INPP4B: variants seen among roughly 807,000 people sequenced by gnomAD.
INPP4B encodes the protein inositol polyphosphate-4-phosphatase type II B, also known as inositol polyphosphate 4-phosphatase type II.
INPP4B carries 55 observed loss-of-function variants against 122.5 expected under a neutral mutation model. The observed-to-expected ratio is 0.45, with a 90% CI of 0.36 to 0.56. The LOEUF (loss-of-function observed/expected upper bound fraction) is 0.56, where lower values mean the gene tolerates loss of function less well. Among genes scored for constraint, INPP4B ranks in the 20% least tolerant of loss-of-function variants. The probability of loss-of-function intolerance (pLI) is 0.00; values close to 1 mark genes in which losing one functional copy is unlikely to be tolerated. For synonymous variants in INPP4B, 403 were observed against 388.7 expected (o/e 1.04, Z -0.43); for missense variants, 1,000 against 1,097.7 (o/e 0.91, Z 1.26).
intron 2 of INPP4B, among the ~76,000 whole-genome samples, chr4:142,516,425 A>T (rs1825415694): frequency 6.6e-6 from 1 of 152,160 alleles, no homozygotes; most frequent in African/African-American, 2.4e-5. Flanking sequence ...AGGTTCATTT[A>T]TTCATTACTC....
Position 142,023,364 on chromosome 4 carries a change from C to G in INPP4B, c.*5418G>C, listed in dbSNP as rs1311200279. ...ACATAAAAAGAAAACAAATGCCAACCTTTCAGATGAGTACCACAAAAACCT... is the reference window on the plus strand; with the variant it reads ...ACATAAAAAGAAAACAAATGCCAACGTTTCAGATGAGTACCACAAAAACCT... On this transcript the variant is annotated 3_prime_UTR_variant, in exon 26 of 26. Transcript: ENST00000262992. The G allele has an allele frequency of 6.6e-6, 1 of 151,794 alleles. No homozygotes were observed. Among genetic ancestry groups the G allele is most frequent in the African/African-American group, 2.4e-5 (1 of 41,320 alleles). 9.4% of individuals were successfully genotyped at this position (151,794 alleles called of 1,614,324 possible).
At chr4:142,714,104 C>CATCATAA (rs1763456416) in intron 2 of INPP4B, among the ~76,000 whole-genome samples, 1 of 152,098 alleles carries the variant, frequency 6.6e-6, no homozygotes, top group Non-Finnish European at 1.5e-5. Context: ...GTGCATCATA[C>CATCATAA]AATTACATCA....
At position 142,242,009 on chromosome 4, in the gene INPP4B, G is replaced by A. The variant is rs565792849; in HGVS notation, c.689-3998C>T. ...TTACTACACTGCAGATTCTTGTAGA[G>A]AATCTATTCATTCCATAGTTTTAAT... On this transcript the variant is annotated intron_variant, in intron 11 of 25. Coordinates refer to ENST00000262992, the MANE Select transcript of INPP4B (RefSeq NM_001101669.3). Among the ~76,000 whole-genome samples the A allele has an allele frequency of 3.3e-5, 5 of 152,270 alleles. No homozygotes were observed. In the East Asian group the frequency reaches 9.6e-4, roughly 29 times the overall value.
chr4:142,755,254 C>T (rs958323354), intron 1 of INPP4B, among the ~76,000 whole-genome samples: 2 of 151,954 alleles, frequency 1.3e-5, no homozygotes, highest in Non-Finnish European at 2.9e-5. Flanking sequence ...GCATGAATTC[C>T]TCAGACTATA....
At chr4:142,710,071 G>A (rs1180200601) in intron 2 of INPP4B, among the ~76,000 whole-genome samples, 1 of 152,202 alleles carries the variant, frequency 6.6e-6, no homozygotes, top group East Asian at 1.9e-4. Context: ...TCTCAATAGG[G>A]ATGAAAGCTC....
intron 2 of INPP4B, among the ~76,000 whole-genome samples, chr4:142,508,350 T>C (rs1311176491): frequency 6.6e-6 from 1 of 152,168 alleles, no homozygotes; most frequent in East Asian, 1.9e-4. Flanking sequence ...ATTGGCTCCC[T>C]GTAACCTCTG....
intron 7 of INPP4B, among the ~76,000 whole-genome samples, chr4:142,351,025 C>T (rs1166053752): frequency 6.6e-6 from 1 of 151,966 alleles, no homozygotes; most frequent in Non-Finnish European, 1.5e-5. Flanking sequence ...AACAGCATCA[C>T]CCTAGCTGTT....
chr4:142,441,819 T>TGC (rs1250426534), intron 3 of INPP4B, among the ~76,000 whole-genome samples: 1 of 129,898 alleles, frequency 7.7e-6, no homozygotes, highest in Non-Finnish European at 1.7e-5. Flanking sequence ...GAAATAGCTT[T>TGC]TTTTTTTTTT....
intron 2 of INPP4B, among the ~76,000 whole-genome samples, chr4:142,661,348 A>G (rs749917699): frequency 6.6e-6 from 1 of 152,244 alleles, no homozygotes; most frequent in East Asian, 1.9e-4. Flanking sequence ...CAACATGCCA[A>G]CTATAACCAC....
At chr4:142,252,171 G>A (rs922422648) in intron 11 of INPP4B, among the ~76,000 whole-genome samples, 1 of 149,760 alleles carries the variant, frequency 6.7e-6, no homozygotes, top group Non-Finnish European at 1.5e-5. Flanking sequence ...CATATTGCCT[G>A]TCACTATAGT....
chr4:142,303,691 A>G (rs1026785409), intron 9 of INPP4B, among the ~76,000 whole-genome samples: 2 of 152,092 alleles, frequency 1.3e-5, no homozygotes, highest in African/African-American at 4.8e-5. Context: ...GCCATTTCAG[A>G]ATTGGTTTTC....
At chr4:142,726,321 G>T (rs1475816973) in intron 1 of INPP4B, among the ~76,000 whole-genome samples, 1 of 152,180 alleles carries the variant, frequency 6.6e-6, no homozygotes, top group Non-Finnish European at 1.5e-5. Context: ...TCCTTCCACT[G>T]CTAGTGAGCA....
chr4:142,425,863 T>A (rs1807930054), intron 5 of INPP4B, among the ~76,000 whole-genome samples: 1 of 152,028 alleles, frequency 6.6e-6, no homozygotes, highest in South Asian at 2.1e-4. Flanking sequence ...GCTTTCACTC[T>A]AGCTTCCAAG....
At chr4:142,736,404 G>T (rs1406886663) in intron 1 of INPP4B, among the ~76,000 whole-genome samples, 1 of 151,940 alleles carries the variant, frequency 6.6e-6, no homozygotes, top group Non-Finnish European at 1.5e-5. Flanking sequence ...TTCCTGCCTG[G>T]AATATTATTT....
chr4:142,255,482 T>C (rs1337596390), intron 11 of INPP4B, among the ~76,000 whole-genome samples: 6 of 152,002 alleles, frequency 3.9e-5, no homozygotes, highest in Non-Finnish European at 8.8e-5. Flanking sequence ...GACACACACA[T>C]AGGCTCAAAA....
chr4:142,480,501 A>G (rs1029770565), intron 2 of INPP4B, among the ~76,000 whole-genome samples: 6 of 152,178 alleles, frequency 3.9e-5, no homozygotes, highest in African/African-American at 1.4e-4. Flanking sequence ...CTCATTACTC[A>G]ACTGGGTGCA....
chr4:142,783,156 G>T (rs1430835213), intron 1 of INPP4B, among the ~76,000 whole-genome samples: 17 of 151,880 alleles, frequency 1.1e-4, no homozygotes, highest in Non-Finnish European at 2.2e-4. Context: ...AAGCCAAAAT[G>T]GACAAATGGG....
intron 7 of INPP4B, among the ~76,000 whole-genome samples, chr4:142,364,663 C>T (rs1786736967): frequency 6.6e-6 from 1 of 151,988 alleles, no homozygotes; most frequent in African/African-American, 2.4e-5. Flanking sequence ...ATGGATGGAT[C>T]CCACAGAAAA....
chr4:142,463,340 C>G (rs988256119), intron 2 of INPP4B, among the ~76,000 whole-genome samples: 2 of 152,136 alleles, frequency 1.3e-5, no homozygotes, highest in Admixed American at 6.6e-5. Flanking sequence ...TGAGTGACAT[C>G]TAATAGAACT....
Sources: gnomAD v4.1 joint callset for allele counts (sites outside exome capture counted in the v4.1 genomes callset) on GRCh38, gnomAD v4.1.1 for gene constraint, MANE v1.5 for transcripts, NCBI Gene and HGNC (gene_info 2026-07-23, HGNC 2026-07-21) for gene names.